FGGY: variants seen among roughly 807,000 people sequenced by gnomAD.
FGGY encodes the protein FGGY carbohydrate kinase domain-containing protein.
Under a neutral mutation model 71.3 loss-of-function variants are expected in FGGY, and 72 were observed. The observed-to-expected ratio is 1.01, with a 90% confidence interval of 0.84 to 1.23. The LOEUF (loss-of-function observed/expected upper bound fraction) is 1.23. Ranked by LOEUF, FGGY falls within the 50% of genes most tolerant of loss-of-function variation. The probability of loss-of-function intolerance (pLI) is 0.00; values close to 1 mark genes in which losing one functional copy is unlikely to be tolerated. For missense variants in FGGY, 668 were observed against 682.3 expected (o/e 0.98, Z 0.23); for synonymous variants, 251 against 250.3 (o/e 1.00, Z -0.02).
At chr1:59,611,087 C>T (rs528321085) in intron 9 of FGGY, among the ~76,000 whole-genome samples, 12 of 152,190 alleles carry the variant, frequency 7.9e-5, no homozygotes, top group African/African-American at 2.4e-4. Context: ...CCTCTGAGGG[C>T]GGGGCATAGC....
intron 11 of FGGY, among the ~76,000 whole-genome samples, chr1:59,651,622 C>G (rs888947826): frequency 2.7e-5 from 4 of 150,420 alleles, no homozygotes; most frequent in African/African-American, 1.0e-4. Flanking sequence ...TTCCTCCATC[C>G]TTTTATTTTG....
At chr1:59,586,660 T>A (rs996633735) in intron 8 of FGGY, among the ~76,000 whole-genome samples, 6 of 151,664 alleles carry the variant, frequency 4.0e-5, no homozygotes, top group Non-Finnish European at 8.8e-5. Flanking sequence ...AGTATAATAA[T>A]AAAAAATAAA....
At chr1:59,482,220 A>G (rs1206961138) in intron 6 of FGGY, among the ~76,000 whole-genome samples, 1 of 152,176 alleles carries the variant, frequency 6.6e-6, no homozygotes, top group South Asian at 2.1e-4. Context: ...ATGTTTACCA[A>G]GATCCTTTTA....
intron 2 of FGGY, among the ~76,000 whole-genome samples, chr1:59,325,826 A>G (rs1310675996): frequency 3.3e-5 from 5 of 152,236 alleles, no homozygotes; most frequent in Admixed American, 6.5e-5. Context: ...ACTAACAAGT[A>G]TTGGAGACAA....
chr1:59,629,281 C>T (rs2096887116), intron 10 of FGGY, among the ~76,000 whole-genome samples: 1 of 152,122 alleles, frequency 6.6e-6, no homozygotes, highest in South Asian at 2.1e-4. Context: ...TTCCATTCTA[C>T]TAAGTGACTT....
At chr1:59,364,063 GT>G (rs1226731343) in intron 4 of FGGY, among the ~76,000 whole-genome samples, 1 of 152,198 alleles carries the variant, frequency 6.6e-6, no homozygotes, top group Non-Finnish European at 1.5e-5. Context: ...AGATGATTAA[GT>G]TTGGGTTGAA....
chr1:59,366,301 C>T (rs1042805266), intron 4 of FGGY, among the ~76,000 whole-genome samples: 3 of 152,146 alleles, frequency 2.0e-5, no homozygotes, highest in African/African-American at 7.2e-5. Context: ...TTAAACAAGT[C>T]CTCATCTAAT....
chr1:59,734,405 A>G (rs2098081103), intron 14 of FGGY, among the ~76,000 whole-genome samples: 1 of 152,142 alleles, frequency 6.6e-6, no homozygotes, highest in Non-Finnish European at 1.5e-5. Flanking sequence ...GGGTTTTGCC[A>G]CATTGGCCAG....
intron 5 of FGGY, among the ~76,000 whole-genome samples, chr1:59,409,822 T>C (rs1175353305): frequency 2.6e-5 from 4 of 152,206 alleles, no homozygotes; most frequent in Non-Finnish European, 5.9e-5. Context: ...CTAAGTTTTA[T>C]GGAGTATCCA....
chr1:59,644,739 A>G (rs2097074236), intron 11 of FGGY, among the ~76,000 whole-genome samples: 1 of 152,018 alleles, frequency 6.6e-6, no homozygotes. Flanking sequence ...GCACTTTGGG[A>G]GGCCGAGGCG....
Position 59,674,021 on chromosome 1 carries a change from T to C in FGGY, c.1418-18T>C. The C allele has an allele frequency of 3.7e-6, 6 of 1,610,394 alleles. No individual in the cohort carries two copies. Among genetic ancestry groups the C allele is most frequent in the Non-Finnish European group, 5.1e-6 (6 of 1,177,942 alleles). On this transcript the variant is annotated intron_variant, in intron 13 of 15. Transcript: ENST00000303721. ...CTGGCTCTGCTCCCTAACCAAGGTG[T>C]GGCCTTGTCCTGCGCAGGCATGCCT...
At chr1:59,497,586 T>TCAAA (rs1302005853) in intron 6 of FGGY, among the ~76,000 whole-genome samples, 1 of 152,160 alleles carries the variant, frequency 6.6e-6, no homozygotes, top group African/African-American at 2.4e-5. Flanking sequence ...AGACTCCGTC[T>TCAAA]CAAACAAACA....
intron 13 of FGGY, among the ~76,000 whole-genome samples, chr1:59,669,540 C>CTTTTT (rs58004594): frequency 2.4e-4 from 25 of 102,458 alleles, no homozygotes; most frequent in Admixed American, 4.2e-4. Context: ...TTCTAGACTT[C>CTTTTT]TTTTTTTTTT....
chr1:59,599,603 A>G (rs1229276942), intron 8 of FGGY, among the ~76,000 whole-genome samples: 1 of 149,618 alleles, frequency 6.7e-6, no homozygotes, highest in Non-Finnish European at 1.5e-5. Flanking sequence ...CTGAGGCAGG[A>G]GAATCACTTG....
chr1:59,315,299 A>G (rs1223871960), intron 1 of FGGY, among the ~76,000 whole-genome samples: 2 of 150,820 alleles, frequency 1.3e-5, no homozygotes, highest in African/African-American at 4.9e-5. Flanking sequence ...CCCTCCTCCC[A>G]TCAATCAAAG....
Position 59,757,992 on chromosome 1 carries a change from A to T in FGGY, c.1574A>T (p.Lys525Ile), listed in dbSNP as rs767117151. Reference sequence around the variant, plus strand: ...GTGTTCCCGAGACTACAGGATAAAAAGTAAGTGTGTATTTTTTATATGTAC... The same window carrying T: ...GTGTTCCCGAGACTACAGGATAAAATGTAAGTGTGTATTTTTTATATGTAC... ...KVVFPRLQDKKYYDKKYQVFL... is the reference protein window; with the variant it reads ...KVVFPRLQDKIYYDKKYQVFL... Residue 525 changes from lysine to isoleucine, a missense_variant and splice_region_variant, in exon 15 of 16, where the codon AAA (lysine) becomes ATA (isoleucine). Physicochemically the swap from Lys to Ile is moderately radical, Grantham distance 102 (BLOSUM62 -3). Transcript: ENST00000303721. 1.2e-6 allele frequency: 2 copies of T among 1,611,270 alleles called. No individual in the cohort carries two copies. The highest frequency in any genetic ancestry group is 8.5e-7 in the Non-Finnish European group (1 of 1,177,940).
At chr1:59,734,484 G>A (rs574578483) in intron 14 of FGGY, among the ~76,000 whole-genome samples, 5 of 152,192 alleles carry the variant, frequency 3.3e-5, no homozygotes, top group Admixed American at 6.5e-5. Flanking sequence ...GATTACAGGC[G>A]TGAGTCAAGT....
chr1:59,516,418 A>G (rs1162438090), intron 7 of FGGY, among the ~76,000 whole-genome samples: 1 of 152,182 alleles, frequency 6.6e-6, no homozygotes, highest in Non-Finnish European at 1.5e-5. Context: ...CCCTGCCTGC[A>G]TGTTTGTAGC....
intron 7 of FGGY, among the ~76,000 whole-genome samples, chr1:59,533,108 C>T (rs979242343): frequency 7.9e-5 from 12 of 151,536 alleles, no homozygotes; most frequent in African/African-American, 2.9e-4. Context: ...GTTCATCTCA[C>T]TAGGGAGTGC....
Sources: allele counts gnomAD v4.1 joint callset (sites outside exome capture counted in the v4.1 genomes callset), GRCh38; gene constraint gnomAD v4.1.1; transcripts MANE v1.5; gene names NCBI Gene and HGNC (gene_info 2026-07-23, HGNC 2026-07-21).